The following PXDNL variants were observed in gnomAD, a reference collection of about 807,000 sequenced individuals.
PXDNL encodes peroxidasin like, also known as probable oxidoreductase PXDNL.
Under a neutral mutation model 150.8 loss-of-function variants are expected in PXDNL, and 145 were observed. The observed-to-expected ratio is 0.96, with a 90% CI of 0.84 to 1.10. The LOEUF is 1.10. Ranked by LOEUF, PXDNL falls within the 50% of genes least tolerant of loss-of-function variation. PXDNL has a pLI of 0.00. For synonymous variants in PXDNL, 757 were observed against 725.7 expected (o/e 1.04, Z -0.69); for missense variants, 2,087 against 1,873.9 (o/e 1.11, Z -2.10).
At chr8:51,564,097 A>T (rs937992316) in intron 3 of PXDNL, among the ~76,000 whole-genome samples, 1 of 152,032 alleles carries the variant, frequency 6.6e-6, no homozygotes, top group Non-Finnish European at 1.5e-5. Context: ...ACCTCCCAGT[A>T]TAAAAGGACA....
At chr8:51,618,934 A>C (rs1246776696) in intron 2 of PXDNL, among the ~76,000 whole-genome samples, 4 of 152,216 alleles carry the variant, frequency 2.6e-5, no homozygotes, top group Non-Finnish European at 5.9e-5. Context: ...CAGATGCTTT[A>C]GTATTTCTTT....
At chr8:51,706,276 T>C (rs1247942936) in intron 1 of PXDNL, among the ~76,000 whole-genome samples, 2 of 151,784 alleles carry the variant, frequency 1.3e-5, no homozygotes, top group Non-Finnish European at 2.9e-5. Context: ...GCTGAGATCG[T>C]GCCACTGCAC....
chr8:51,768,341 G>T (rs2037254423), intron 1 of PXDNL, among the ~76,000 whole-genome samples: 1 of 150,274 alleles, frequency 6.7e-6, no homozygotes, highest in South Asian at 2.1e-4. Flanking sequence ...TGTTTCCTCT[G>T]GCCAAGAGAA....
chr8:51,776,985 G>A (rs186673196), intron 1 of PXDNL, among the ~76,000 whole-genome samples: 6 of 152,170 alleles, frequency 3.9e-5, no homozygotes, highest in South Asian at 2.1e-4. Context: ...CTTATGATAC[G>A]TCACTATGGG....
At chr8:51,677,826 G>A (rs1815656825) in intron 1 of PXDNL, among the ~76,000 whole-genome samples, 1 of 152,120 alleles carries the variant, frequency 6.6e-6, no homozygotes, top group Non-Finnish European at 1.5e-5. Flanking sequence ...CATAATGAAA[G>A]TAAATATAGA....
chr8:51,511,539 C>T (rs1390636987), intron 4 of PXDNL, among the ~76,000 whole-genome samples: 1 of 152,174 alleles, frequency 6.6e-6, no homozygotes, highest in African/African-American at 2.4e-5. Flanking sequence ...AAATTAAAAT[C>T]ATCGGGTCCC....
intron 4 of PXDNL, among the ~76,000 whole-genome samples, chr8:51,540,341 A>G (rs948390913): frequency 6.6e-6 from 1 of 152,116 alleles, no homozygotes; most frequent in Non-Finnish European, 1.5e-5. Flanking sequence ...GTCTTTATTA[A>G]TTCCAAATAT....
chr8:51,710,447 G>T (rs1007945095), intron 1 of PXDNL, among the ~76,000 whole-genome samples: 2 of 152,108 alleles, frequency 1.3e-5, no homozygotes, highest in Non-Finnish European at 2.9e-5. Context: ...TTTTTGGGGG[G>T]TGAGGACATT....
At chr8:51,538,775 A>AATT in intron 4 of PXDNL, among the ~76,000 whole-genome samples, 1 of 152,246 alleles carries the variant, frequency 6.6e-6, no homozygotes, top group African/African-American at 2.4e-5. Context: ...TCAAATAAAT[A>AATT]AATAAATTAA....
At chr8:51,717,037 T>C (rs1816628339) in intron 1 of PXDNL, among the ~76,000 whole-genome samples, 1 of 152,204 alleles carries the variant, frequency 6.6e-6, no homozygotes, top group East Asian at 1.9e-4. Flanking sequence ...GGAGGTTGTC[T>C]AGGTGGCTGT....
In PXDNL at chr8:51,319,949, G is replaced by C. The variant is rs779892019; in HGVS notation, c.4334C>G (p.Thr1445Ser). The C allele has an allele frequency of 2.3e-5, 37 of 1,578,696 alleles. No individual in the cohort carries two copies. Among genetic ancestry groups the C allele is most frequent in the Non-Finnish European group, 3.0e-5 (35 of 1,163,610 alleles). Residue 1445 changes from threonine to serine, a missense_variant, in exon 23 of 23, where the codon ACC (threonine) becomes AGC (serine). Physicochemically the swap from Thr to Ser is moderately conservative, Grantham distance 58. Coordinates refer to ENST00000356297, the MANE Select transcript of PXDNL (RefSeq NM_144651.5). The part of the protein sequence containing the change: ...PCPSPELVKG[T>S]CCPVCRDRGM... ...TCGGTCTCTGCAAACTGGACAGCAG[G>C]TTCCTTTCACCAATTCAGGACTGGG...
At chr8:51,578,287 A>T (rs1171056781) in intron 3 of PXDNL, among the ~76,000 whole-genome samples, 1 of 151,962 alleles carries the variant, frequency 6.6e-6, no homozygotes, top group Non-Finnish European at 1.5e-5. Context: ...GCAAGGTCAC[A>T]GTATACAAGG....
At chr8:51,404,333 C>A (rs955532056) in intron 17 of PXDNL, among the ~76,000 whole-genome samples, 2 of 152,198 alleles carry the variant, frequency 1.3e-5, no homozygotes, top group African/African-American at 4.8e-5. Context: ...TTACAGAGAG[C>A]TGATTGGTCT....
rs111799146 is a variant in PXDNL at position 51,471,022 on chromosome 8, A to G, written c.812+1165T>C. On this transcript the variant is annotated intron_variant, in intron 8 of 22. Coordinates refer to ENST00000356297, the MANE Select transcript of PXDNL (RefSeq NM_144651.5). ...AACTAAAGAGCTTCTGCACAGCAAA[A>G]AAAAAAACTGTCATCAGAGTGAACA... is the stretch of plus-strand genomic sequence containing the variant. Among the ~76,000 whole-genome samples the G allele has an allele frequency of 8.9e-3, 1,352 of 151,772 alleles. 10 individuals are homozygous for G. The highest frequency in any genetic ancestry group is 0.031 in the African/African-American group (1,296 of 41,230).
chr8:51,537,862 A>T (rs1812117156), intron 4 of PXDNL, among the ~76,000 whole-genome samples: 1 of 152,174 alleles, frequency 6.6e-6, no homozygotes, highest in Admixed American at 6.5e-5. Context: ...TAGACTCATG[A>T]GAAGGAATAT....
chr8:51,744,079 AAGGAAG>A lies in PXDNL; in HGVS notation c.164+65096_164+65101del, dbSNP rs1563307175. Among the ~76,000 whole-genome samples, 216 of 96,230 alleles carry A rather than the reference AAGGAAG, an allele frequency of 2.2e-3. 4 individuals are homozygous for A. The highest frequency in any genetic ancestry group is 3.8e-3 in the African/African-American group (84 of 21,974). 63.1% of individuals were successfully genotyped at this position (96,230 alleles called of 152,430 possible). ...GAAGGAAGGAAGGAAGGAAGGAAGG[AAGGAAG>A]GAAGGAAGGAAAGAAAGAAAGAAAG... On this transcript the variant is annotated intron_variant, in intron 1 of 22. Coordinates refer to ENST00000356297, the MANE Select transcript of PXDNL (RefSeq NM_144651.5).
rs540200664 is a variant in PXDNL, at chr8:51,556,035, T to A, written c.380+805A>T. On this transcript the variant is annotated intron_variant, in intron 4 of 22. Coordinates refer to ENST00000356297, the MANE Select transcript of PXDNL (RefSeq NM_144651.5). ...GACTATAATCTCAGCACTTTGGGAA[T>A]CTGAGGCGGGCAGATCTCTTGAGGC... Among the ~76,000 whole-genome samples, 45 of 152,174 alleles carry A rather than the reference T, an allele frequency of 3.0e-4. 2 individuals are homozygous for A. In the South Asian group the frequency reaches 5.0e-3, roughly 17 times the overall value.
rs180909448 is a variant in PXDNL at position 51,488,599 on chromosome 8, T to C, written c.453-4885A>G. Among the ~76,000 whole-genome samples the C allele has an allele frequency of 3.5e-3, 529 of 152,334 alleles. 1 individual carries two copies. Among genetic ancestry groups the C allele is most frequent in the South Asian group, 7.9e-3 (38 of 4,830 alleles). The stretch of plus-strand genomic sequence containing the variant: ...GAGCTGAAACTCAAGAGAAAAAGCC[T>C]TCCTCATTCTGGAATTTAGGAAGAT... On this transcript the variant is annotated intron_variant, in intron 5 of 22. Transcript: ENST00000356297.
At chr8:51,557,002 C>A in intron 3 of PXDNL, 91 bp from the exon 4 acceptor site, 1 of 714,516 alleles carries the variant, frequency 1.4e-6, no homozygotes, top group Non-Finnish European at 2.4e-6. Context: ...AGCTGTGGAC[C>A]TTAGGAGCTT....
Sources: gnomAD v4.1 joint callset for allele counts (sites outside exome capture counted in the v4.1 genomes callset) on GRCh38, gnomAD v4.1.1 for gene constraint, MANE v1.5 for transcripts, NCBI Gene and HGNC (gene_info 2026-07-23, HGNC 2026-07-21) for gene names.